CCDC191: variants seen among roughly 807,000 people sequenced by gnomAD.
CCDC191 encodes the protein coiled-coil domain containing 191, also known as coiled-coil domain-containing protein 191.
CCDC191 carries 99 observed loss-of-function variants against 114.0 expected under a neutral mutation model. The ratio of observed to expected loss-of-function variants is 0.87; its 90% CI spans 0.74 to 1.03. The LOEUF (loss-of-function observed/expected upper bound fraction) is 1.03, where lower values mean the gene tolerates loss of function less well. Ranked by LOEUF, CCDC191 falls within the 50% of genes least tolerant of loss-of-function variation. CCDC191 has a pLI of 0.00. For synonymous variants in CCDC191, 351 were observed against 376.0 expected (o/e 0.93, Z 0.77); for missense variants, 973 against 1,087.0 (o/e 0.90, Z 1.47).
intron 16 of CCDC191, among the ~76,000 whole-genome samples, chr3:113,973,646 G>A (rs1216103165): frequency 6.7e-6 from 1 of 149,262 alleles, no homozygotes; most frequent in Admixed American, 6.7e-5. Flanking sequence ...TCATCCTGCT[G>A]TCTCCTGGCC....
rs769327510 is a variant in CCDC191 at position 113,978,950 on chromosome 3, G to A, written c.2368C>T (p.Arg790Cys). Residue 790 changes from arginine (R) to cysteine (C), a missense_variant, in exon 15 of 17, where the codon CGT (arginine) becomes TGT (cysteine). By Grantham distance (180) the Arg-to-Cys change is radical (BLOSUM62 -3). Transcript: ENST00000295878. Reference protein sequence around the residue: ...QRKYMLTWFQRSQESLARKMA... With the variant: ...QRKYMLTWFQCSQESLARKMA... The stretch of plus-strand genomic sequence containing the variant: ...TTTCTAGCCAGACTTTCCTGACTAC[G>A]CTGGAACCACGTCAGCATGTATTTC... The A allele has an allele frequency of 6.2e-6, 10 of 1,613,856 alleles. No individual in the cohort carries two copies. Among genetic ancestry groups the A allele is most frequent in the African/African-American group, 2.7e-5 (2 of 74,908 alleles).
intron 16 of CCDC191, among the ~76,000 whole-genome samples, chr3:113,969,490 T>A (rs1335575480): frequency 2.0e-5 from 3 of 152,240 alleles, no homozygotes; most frequent in African/African-American, 7.2e-5. Flanking sequence ...TGGACTTAGA[T>A]TTAAATCTGT....
At chr3:113,991,046 G>T (rs2075542388) in intron 13 of CCDC191, among the ~76,000 whole-genome samples, 1 of 151,230 alleles carries the variant, frequency 6.6e-6, no homozygotes, top group South Asian at 2.1e-4. Flanking sequence ...GGCCAACCTG[G>T]CCAACATGGT....
intron 3 of CCDC191, among the ~76,000 whole-genome samples, chr3:114,043,397 C>T (rs1313068152): frequency 6.6e-6 from 1 of 152,026 alleles, no homozygotes; most frequent in Non-Finnish European, 1.5e-5. Flanking sequence ...GCAATCTTGC[C>T]CCCCAGTGGA....
intron 4 of CCDC191, among the ~76,000 whole-genome samples, chr3:114,041,659 C>A (rs185729700): frequency 6.6e-6 from 1 of 152,202 alleles, no homozygotes; most frequent in East Asian, 1.9e-4. Context: ...ATTTTACAAG[C>A]TGATAGTTTT....
rs375508295 is a variant in CCDC191, at chr3:113,991,592, C to T, written c.2163+10003G>A. On this transcript the variant is annotated intron_variant, in intron 13 of 16. Transcript: ENST00000295878. ...TAATGGTGAGATACTGAATGCTTTC[C>T]CTCTAGATCTGAAACAAGGCAAGGA... is the stretch of plus-strand genomic sequence containing the variant. Among the ~76,000 whole-genome samples the T allele has an allele frequency of 1.3e-3, 203 of 152,220 alleles. 3 individuals are homozygous for T. The highest frequency in any genetic ancestry group is 4.6e-3 in the African/African-American group (191 of 41,524).
intron 7 of CCDC191, among the ~76,000 whole-genome samples, chr3:114,028,563 G>A (rs1450702768): frequency 6.6e-6 from 1 of 151,882 alleles, no homozygotes; most frequent in Non-Finnish European, 1.5e-5. Context: ...GGAATTACAG[G>A]CTTGAGCCAC....
chr3:114,041,666 T>C (rs2076562624), intron 4 of CCDC191, among the ~76,000 whole-genome samples: 1 of 152,100 alleles, frequency 6.6e-6, no homozygotes, highest in African/African-American at 2.4e-5. Flanking sequence ...AAGCTGATAG[T>C]TTTGTGATCC....
chr3:113,984,341 A>G (rs1264679680), intron 13 of CCDC191: 1 of 152,180 alleles, frequency 6.6e-6, no homozygotes, highest in East Asian at 1.9e-4. Context: ...GAGTTCAACC[A>G]AACACATCTA....
At chr3:113,970,106 A>G (rs1293782505) in intron 16 of CCDC191, among the ~76,000 whole-genome samples, 1 of 152,066 alleles carries the variant, frequency 6.6e-6, no homozygotes, top group Non-Finnish European at 1.5e-5. Flanking sequence ...TTTTCTTTGT[A>G]GCTAGTTAAG....
At chr3:113,998,146 A>G (rs2075771181) in intron 13 of CCDC191, among the ~76,000 whole-genome samples, 1 of 151,902 alleles carries the variant, frequency 6.6e-6, no homozygotes, top group Non-Finnish European at 1.5e-5. Context: ...TCTCTACTAA[A>G]AATACAAAAA....
In CCDC191 at chr3:113,968,458, C is replaced by T. The variant is rs577464325; in HGVS notation, c.2607-3099G>A. The stretch of plus-strand genomic sequence containing the variant: ...AGAAATGTCTATTTAGATCTTCCCC[C>T]CCCTTTTTTTTTTAGGGCGTCACTC... On this transcript the variant is annotated intron_variant, in intron 16 of 16. Transcript: ENST00000295878. Among the ~76,000 whole-genome samples the T allele has an allele frequency of 6.8e-4, 103 of 151,872 alleles. 1 individual carries two copies. The highest frequency in any genetic ancestry group is 3.6e-3 in the Admixed American group (54 of 15,104).
In CCDC191 at chr3:114,035,102, C is replaced by A. The variant is rs140467596; in HGVS notation, c.641G>T (p.Arg214Ile). The A allele has an allele frequency of 2.3e-4, 378 of 1,614,052 alleles. 4 individuals carry two copies. Among genetic ancestry groups the A allele is most frequent in the Middle Eastern group, 1.6e-4 (1 of 6,062 alleles). Reference sequence around the variant, plus strand: ...CGATTTTTTCAGGGTCTTTTCTATTCTCTGGTACTCCAGTTCTTTCTCACG... The same window carrying A: ...CGATTTTTTCAGGGTCTTTTCTATTATCTGGTACTCCAGTTCTTTCTCACG... ...LRREKELEYQRIEKTLKKSAF... is the reference protein window; with the variant it reads ...LRREKELEYQIIEKTLKKSAF... The change falls in exon 6 of 17, where the codon AGA (arginine) becomes ATA (isoleucine). Residue 214 changes from arginine to isoleucine, a missense_variant. Arg to Ile is a moderately conservative substitution (Grantham distance 97). Transcript: ENST00000295878.
chr3:114,014,108 C>T (rs1253259904), intron 8 of CCDC191, among the ~76,000 whole-genome samples: 2 of 152,008 alleles, frequency 1.3e-5, no homozygotes, highest in Non-Finnish European at 2.9e-5. Flanking sequence ...TAATCACAAG[C>T]TGGTGATCTG....
At chr3:114,000,269 A>G (rs1315986891) in intron 13 of CCDC191, among the ~76,000 whole-genome samples, 2 of 150,824 alleles carry the variant, frequency 1.3e-5, no homozygotes. Context: ...TTCAAAAAGG[A>G]GGAGGAAGGA....
Position 114,004,748 on chromosome 3 carries a change from T to C in CCDC191, c.1869-2A>G, listed in dbSNP as rs2075919416. 4 of 1,606,978 alleles carry C rather than the reference T, an allele frequency of 2.5e-6. No homozygotes were observed. The highest frequency in any genetic ancestry group is 3.4e-5 in the Admixed American group (2 of 58,514). ...GTCCCAGGGGAAGCAACAGGTGAAC[T>C]AGGGAAAAAATAAAGGAAAGGAATT... is the stretch of plus-strand genomic sequence containing the variant. On this transcript the variant is annotated splice_acceptor_variant, in intron 10 of 16. Transcript: ENST00000295878. LOFTEE classifies it high-confidence loss of function.
At chr3:114,007,948 C>T (rs1412540949) in intron 9 of CCDC191, among the ~76,000 whole-genome samples, 2 of 150,876 alleles carry the variant, frequency 1.3e-5, no homozygotes, top group Non-Finnish European at 3.0e-5. Context: ...CCATTTTTAA[C>T]AATACTGTCC....
intron 11 of CCDC191, chr3:114,002,973 AG>A (rs1441276194): frequency 2.0e-6 from 2 of 985,258 alleles, no homozygotes; most frequent in East Asian, 1.1e-4. Context: ...ATTTTTCTTA[AG>A]TCACTGTACA....
At chr3:114,030,768 A>G (rs1449143440) in intron 7 of CCDC191, among the ~76,000 whole-genome samples, 13 of 152,202 alleles carry the variant, frequency 8.5e-5, no homozygotes. Flanking sequence ...TTGTAAGTCT[A>G]TCCCTACATT....
Sources: gnomAD v4.1 joint callset for allele counts (sites outside exome capture counted in the v4.1 genomes callset) on GRCh38, gnomAD v4.1.1 for gene constraint, MANE v1.5 for transcripts, NCBI Gene and HGNC (gene_info 2026-07-23, HGNC 2026-07-21) for gene names.